Variants in RSBN1L observed in about 807,000 individuals in gnomAD.
RSBN1L encodes round spermatid basic protein 1 like.
Under a neutral mutation model 67.7 loss-of-function variants are expected in RSBN1L, and 30 were observed. That is an observed-to-expected ratio of 0.44 (90% CI 0.33 to 0.60). The LOEUF (loss-of-function observed/expected upper bound fraction) is 0.60, where lower values mean the gene tolerates loss of function less well. Ranked by LOEUF, RSBN1L falls within the 20% of genes least tolerant of loss-of-function variation. The probability of loss-of-function intolerance (pLI) is 0.02; values close to 1 mark genes in which losing one functional copy is unlikely to be tolerated. For missense variants in RSBN1L, 992 were observed against 1,031.7 expected, an observed-to-expected ratio of 0.96 and a Z score of 0.53; for synonymous variants, 433 against 387.0, an observed-to-expected ratio of 1.12 and a Z score of -1.39.
chr7:77,775,360 C>T (rs1791899859), intron 6 of RSBN1L, among the ~76,000 whole-genome samples: 1 of 152,088 alleles, frequency 6.6e-6, no homozygotes, highest in African/African-American at 2.4e-5. Context: ...CATGGTGAAA[C>T]CTTGCCTCTC....
chr7:77,776,866 CTG>C (rs1015240438), intron 6 of RSBN1L, among the ~76,000 whole-genome samples: 3 of 151,734 alleles, frequency 2.0e-5, no homozygotes, highest in Admixed American at 1.3e-4. Flanking sequence ...GTGACAATCT[CTG>C]TCTTTTAATT....
chr7:77,733,598 T>C (rs937165316), intron 1 of RSBN1L, among the ~76,000 whole-genome samples: 2 of 151,930 alleles, frequency 1.3e-5, no homozygotes, highest in Middle Eastern at 3.2e-3. Flanking sequence ...AAATTAAATA[T>C]ATTCAATATG....
intron 6 of RSBN1L, among the ~76,000 whole-genome samples, chr7:77,774,006 G>A (rs1264390509): frequency 1.3e-5 from 2 of 152,112 alleles, no homozygotes; most frequent in East Asian, 3.9e-4. Flanking sequence ...TTTTTTTACA[G>A]TCATATAGTT....
At position 77,780,593 on chromosome 7, in the gene RSBN1L, A is replaced by G. The variant is rs1022870480; in HGVS notation, c.*1425A>G. On this transcript the variant is annotated 3_prime_UTR_variant, in exon 8 of 8. Transcript: ENST00000334955. ...ACATTTTTCTTGCAGAATGGGAGAA[A>G]AATATGGCAAATACAAAACTGTAAA... The G allele has an allele frequency of 3.9e-5, 6 of 152,234 alleles. No individual in the cohort carries two copies. The highest frequency in any genetic ancestry group is 7.2e-5 in the African/African-American group (3 of 41,466). The allele number at this position is 152,234 out of a possible 1,614,324, so 9.4% of individuals were successfully genotyped here.
intron 1 of RSBN1L, among the ~76,000 whole-genome samples, chr7:77,714,057 G>A (rs1791011820): frequency 6.6e-6 from 1 of 152,102 alleles, no homozygotes; most frequent in African/African-American, 2.4e-5. Context: ...AAAATCACAT[G>A]TGTAGTTGGG....
At position 77,714,438 on chromosome 7, in the gene RSBN1L, A is replaced by C. The variant is rs78517616; in HGVS notation, c.586+17383A>C. On this transcript the variant is annotated intron_variant, in intron 1 of 7. Coordinates refer to ENST00000334955, the MANE Select transcript of RSBN1L (RefSeq NM_198467.3). ...GTAGTTTTGCCTTTTTTAGAATGTC[A>C]TATAAGTTGAATCATACACTAGCTT... Among the ~76,000 whole-genome samples the C allele has an allele frequency of 3.1e-3, 472 of 152,300 alleles. 1 individual carries two copies. The highest frequency in any genetic ancestry group is 0.011 in the African/African-American group (442 of 41,566).
intron 2 of RSBN1L, among the ~76,000 whole-genome samples, chr7:77,748,324 C>G (rs1791510412): frequency 6.6e-6 from 1 of 152,080 alleles, no homozygotes; most frequent in African/African-American, 2.4e-5. Context: ...TCTGTCAAAT[C>G]ACGGAGACAC....
intron 1 of RSBN1L, among the ~76,000 whole-genome samples, chr7:77,727,769 A>G (rs1263469251): frequency 6.6e-6 from 1 of 152,150 alleles, no homozygotes; most frequent in African/African-American, 2.4e-5. Flanking sequence ...CCTGGCCAGA[A>G]TGACCACTTT....
chr7:77,704,006 A>T (rs541800399), intron 1 of RSBN1L, among the ~76,000 whole-genome samples: 1 of 152,202 alleles, frequency 6.6e-6, no homozygotes, highest in South Asian at 2.1e-4. Flanking sequence ...TGATATTTTC[A>T]CAGGGTGATT....
intron 1 of RSBN1L, among the ~76,000 whole-genome samples, chr7:77,725,242 C>A (rs1386868960): frequency 5.2e-5 from 4 of 77,276 alleles, no homozygotes; most frequent in South Asian, 4.5e-4. Context: ...ATAAGCCCCC[C>A]ACTTTTTTTT....
chr7:77,711,578 G>A (rs184748740), intron 1 of RSBN1L, among the ~76,000 whole-genome samples: 6 of 152,090 alleles, frequency 3.9e-5, no homozygotes, highest in African/African-American at 9.6e-5. Context: ...CCTGCGTTCC[G>A]GCAATCCTCC....
intron 1 of RSBN1L, among the ~76,000 whole-genome samples, chr7:77,699,927 G>T (rs1161533651): frequency 6.6e-6 from 1 of 151,946 alleles, no homozygotes; most frequent in Non-Finnish European, 1.5e-5. Context: ...CTCCCGAGTG[G>T]CTGGAATTAT....
chr7:77,767,002 CTCCTT>C (rs559317016), intron 4 of RSBN1L, among the ~76,000 whole-genome samples: 4 of 151,554 alleles, frequency 2.6e-5, no homozygotes, highest in Admixed American at 1.3e-4. Flanking sequence ...TGCATTATTT[CTCCTT>C]TCCTTTCCTT....
At chr7:77,726,239 A>C (rs1791201942) in intron 1 of RSBN1L, among the ~76,000 whole-genome samples, 1 of 152,224 alleles carries the variant, frequency 6.6e-6, no homozygotes, top group Non-Finnish European at 1.5e-5. Context: ...TACTTTATTC[A>C]GAATTTCCTT....
intron 6 of RSBN1L, among the ~76,000 whole-genome samples, chr7:77,777,514 A>T (rs1791933551): frequency 6.6e-6 from 1 of 151,584 alleles, no homozygotes; most frequent in Non-Finnish European, 1.5e-5. Context: ...ATAGAATTCT[A>T]GATTGACTTT....
At chr7:77,736,346 T>C (rs1482917094) in intron 1 of RSBN1L, 64 bp from the exon 2 acceptor site, 11 of 787,980 alleles carry the variant, frequency 1.4e-5, no homozygotes, top group Admixed American at 4.8e-5. Flanking sequence ...TTACCTATAG[T>C]TTGTGCAGAT....
intron 1 of RSBN1L, among the ~76,000 whole-genome samples, chr7:77,702,132 A>AT (rs1046873660): frequency 4.6e-5 from 7 of 150,972 alleles, no homozygotes; most frequent in African/African-American, 7.3e-5. Context: ...CACCCAGCTA[A>AT]TTTTTTGTAT....
At position 77,765,483 on chromosome 7, in the gene RSBN1L, A is replaced by G. The variant is rs371730302; in HGVS notation, c.1345-12A>G. 27 of 1,521,660 alleles carry G rather than the reference A, an allele frequency of 1.8e-5. No homozygotes were observed. Among genetic ancestry groups the G allele is most frequent in the Admixed American group, 4.1e-5 (2 of 48,970 alleles). The allele number at this position is 1,521,660 out of a possible 1,614,324, so 94.3% of individuals were successfully genotyped here. On this transcript the variant is annotated splice_polypyrimidine_tract_variant and intron_variant, in intron 3 of 7. Coordinates refer to ENST00000334955, the MANE Select transcript of RSBN1L (RefSeq NM_198467.3). ...ACGTATTTAACTTTTAATTAAATCC[A>G]TGTTTCTTCAGGTAAAAAGAACGTA...
intron 1 of RSBN1L, among the ~76,000 whole-genome samples, chr7:77,733,995 C>T (rs898835439): frequency 2.6e-5 from 4 of 152,134 alleles, no homozygotes; most frequent in Admixed American, 6.6e-5. Context: ...AGTGCGATGG[C>T]GTGTGCCTGT....
Sources: allele counts gnomAD v4.1 joint callset (sites outside exome capture counted in the v4.1 genomes callset), GRCh38; gene constraint gnomAD v4.1.1; transcripts MANE v1.5; gene names NCBI Gene and HGNC (gene_info 2026-07-23, HGNC 2026-07-21).